ADAMTS6: variants seen among roughly 807,000 people sequenced by gnomAD.
ADAMTS6 encodes the protein ADAM metallopeptidase with thrombospondin type 1 motif 6, also known as A disintegrin and metalloproteinase with thrombospondin motifs 6.
Under a neutral mutation model 144.3 loss-of-function variants are expected in ADAMTS6, and 23 were observed. That is an observed-to-expected ratio of 0.16 (90% CI 0.11 to 0.23). The LOEUF (loss-of-function observed/expected upper bound fraction) is 0.23, where lower values mean the gene tolerates loss of function less well. ADAMTS6 is among the 10% of genes least tolerant of loss of function. The pLI is 1.00. For synonymous variants in ADAMTS6, 444 were observed against 457.5 expected (o/e 0.97, Z 0.38); for missense variants, 999 against 1,379.6 (o/e 0.72, Z 4.37).
In ADAMTS6 at chr5:65,188,211, A is replaced by G. The variant is rs1197543842; in HGVS notation, c.2715T>C (p.Ile905=). ...TCTTGCTGCATTCCAACCAATCCCC[A>G]ATGAACCACCTGCAGCAAGACATGG... The part of the protein sequence containing the change: ...NTEPCPPEWF[I]GDWLECSKTC... Residue 905 remains isoleucine, a synonymous_variant, in exon 22 of 25, where the codon ATT becomes ATC. Transcript: ENST00000381055. 1.9e-6 allele frequency: 3 copies of G among 1,613,620 alleles called. No homozygotes were observed. Among genetic ancestry groups the G allele is most frequent in the Non-Finnish European group, 2.5e-6 (3 of 1,179,986 alleles).
intron 9 of ADAMTS6, among the ~76,000 whole-genome samples, chr5:65,300,618 A>C (rs1743267870): frequency 6.6e-6 from 1 of 151,698 alleles, no homozygotes. Flanking sequence ...CAAATACATA[A>C]GTCCTTTTTC....
In ADAMTS6 at chr5:65,226,261, C is replaced by T. The variant is rs199987990; in HGVS notation, c.1934-42G>A. The T allele has an allele frequency of 3.9e-4, 631 of 1,597,966 alleles. 4 individuals are homozygous for T. In the African/African-American group the frequency reaches 7.4e-3, roughly 19 times the overall value. On this transcript the variant is annotated intron_variant, in intron 15 of 24. Transcript: ENST00000381055. ...GAAGAGAAATAAGTGGAGTGGTTGT[C>T]CTAATGAACAGTGATTCAGTATTAT...
Position 65,439,679 on chromosome 5 carries a change from A to G in ADAMTS6, c.1073+11796T>C, listed in dbSNP as rs2150230182. Among the ~76,000 whole-genome samples, 2 of 152,316 alleles carry G rather than the reference A, an allele frequency of 1.3e-5. 1 individual carries two copies. The highest frequency in any genetic ancestry group is 4.1e-4 in the South Asian group (2 of 4,826). ...GTGGCCTGAGGGGGAAAATAGCTAT[A>G]AAGAATATTATTAAGACAACTGATA... On this transcript the variant is annotated intron_variant, in intron 7 of 24. Transcript: ENST00000381055.
At chr5:65,386,080 C>T (rs1752453413) in intron 7 of ADAMTS6, among the ~76,000 whole-genome samples, 1 of 152,162 alleles carries the variant, frequency 6.6e-6, no homozygotes, top group East Asian at 1.9e-4. Flanking sequence ...ACTAAATAAG[C>T]TATAATTCTA....
chr5:65,256,643 T>C (rs1410990940), intron 14 of ADAMTS6: 1 of 152,164 alleles, frequency 6.6e-6, no homozygotes, highest in Non-Finnish European at 1.5e-5. Context: ...AACATATAAC[T>C]CATGAATAAA....
chr5:65,319,504 AC>A (rs1214226548), intron 9 of ADAMTS6, among the ~76,000 whole-genome samples: 1 of 141,416 alleles, frequency 7.1e-6, no homozygotes, highest in Non-Finnish European at 1.5e-5. Flanking sequence ...ACATGGTGAA[AC>A]CCCATATCTA....
At chr5:65,428,187 T>C (rs1481882236) in intron 7 of ADAMTS6, among the ~76,000 whole-genome samples, 1 of 148,752 alleles carries the variant, frequency 6.7e-6, no homozygotes, top group African/African-American at 2.5e-5. Flanking sequence ...GATTGCACTA[T>C]TGCATTCCAG....
intron 7 of ADAMTS6, among the ~76,000 whole-genome samples, chr5:65,347,807 C>A (rs1205573802): frequency 1.3e-5 from 2 of 151,870 alleles, no homozygotes; most frequent in Non-Finnish European, 2.9e-5. Context: ...AAACTAATCA[C>A]CCTATTAAAA....
At chr5:65,213,229 C>G (rs1756656546) in intron 20 of ADAMTS6, among the ~76,000 whole-genome samples, 1 of 150,138 alleles carries the variant, frequency 6.7e-6, no homozygotes, top group African/African-American at 2.5e-5. Context: ...TGATACTTTA[C>G]ACAGTAGAGT....
At chr5:65,236,444 C>T (rs977957831) in intron 15 of ADAMTS6, among the ~76,000 whole-genome samples, 2 of 152,108 alleles carry the variant, frequency 1.3e-5, no homozygotes, top group African/African-American at 4.8e-5. Flanking sequence ...TGTGGTACCA[C>T]ACCCAGCTAA....
At chr5:65,279,569 G>A (rs139790547) in intron 11 of ADAMTS6, among the ~76,000 whole-genome samples, 7,664 of 151,930 alleles carry the variant, frequency 0.05, 641 homozygotes, top group African/African-American at 0.18. Context: ...TGCCTGCCTC[G>A]GCCTCCCAAA....
chr5:65,388,741 C>G (rs1314725515), intron 7 of ADAMTS6, among the ~76,000 whole-genome samples: 3 of 152,086 alleles, frequency 2.0e-5, no homozygotes, highest in African/African-American at 7.2e-5. Context: ...CATGTTACAA[C>G]AAAATACTGC....
At chr5:65,377,733 C>T (rs1316423596) in intron 7 of ADAMTS6, among the ~76,000 whole-genome samples, 1 of 152,104 alleles carries the variant, frequency 6.6e-6, no homozygotes, top group African/African-American at 2.4e-5. Context: ...AAGAATAGCA[C>T]CAGCATCGTA....
At chr5:65,446,348 A>T (rs960238439) in intron 7 of ADAMTS6, among the ~76,000 whole-genome samples, 3 of 152,162 alleles carry the variant, frequency 2.0e-5, no homozygotes, top group African/African-American at 7.2e-5. Context: ...TTGTATTCCC[A>T]ACTGAAAACA....
intron 14 of ADAMTS6, among the ~76,000 whole-genome samples, chr5:65,254,166 A>G (rs1760456479): frequency 6.6e-6 from 1 of 151,976 alleles, no homozygotes; most frequent in Non-Finnish European, 1.5e-5. Flanking sequence ...TCTTAACTCC[A>G]ATCACCTCAC....
chr5:65,405,664 T>G (rs536897575), intron 7 of ADAMTS6, among the ~76,000 whole-genome samples: 2 of 152,322 alleles, frequency 1.3e-5, no homozygotes, highest in East Asian at 3.9e-4. Context: ...TTAAAGTAGT[T>G]TTTTCCAATT....
chr5:65,315,455 A>C (rs1351740980), intron 9 of ADAMTS6, among the ~76,000 whole-genome samples: 1 of 152,102 alleles, frequency 6.6e-6, no homozygotes, highest in Non-Finnish European at 1.5e-5. Context: ...AAATACAATA[A>C]ATAGAAAAGT....
chr5:65,222,929 T>TC (rs1365942615), intron 18 of ADAMTS6, among the ~76,000 whole-genome samples: 1 of 151,300 alleles, frequency 6.6e-6, no homozygotes, highest in African/African-American at 2.4e-5. Flanking sequence ...GGAGAAAATA[T>TC]CCATAAAATA....
intron 7 of ADAMTS6, among the ~76,000 whole-genome samples, chr5:65,375,638 T>C (rs910078675): frequency 6.6e-6 from 1 of 151,912 alleles, no homozygotes; most frequent in Non-Finnish European, 1.5e-5. Context: ...TGTGGAGAAA[T>C]AGGAACACTT....
Sources: allele counts gnomAD v4.1 joint callset (sites outside exome capture counted in the v4.1 genomes callset), GRCh38; gene constraint gnomAD v4.1.1; transcripts MANE v1.5; gene names NCBI Gene and HGNC (gene_info 2026-07-23, HGNC 2026-07-21).